The following CSMD1 variants were observed in gnomAD, a reference collection of about 807,000 sequenced individuals.
The protein encoded by CSMD1 is CUB and Sushi multiple domains 1, also known as CUB and sushi domain-containing protein 1.
Under a neutral mutation model 417.5 loss-of-function variants are expected in CSMD1, and 213 were observed. The observed-to-expected ratio is 0.51, with a 90% CI of 0.46 to 0.57. CSMD1 has a LOEUF of 0.57. Among genes scored for constraint, CSMD1 ranks in the 20% least tolerant of loss-of-function variants. The probability of loss-of-function intolerance (pLI) is 0.00; values close to 1 mark genes in which losing one functional copy is unlikely to be tolerated. For synonymous variants in CSMD1, 2,862 were observed against 1,736.8 expected (o/e 1.65, Z -16.11); for missense variants, 6,923 against 4,529.7 (o/e 1.53, Z -15.17).
chr8:3,566,062 T>A (rs1290085977), intron 10 of CSMD1, among the ~76,000 whole-genome samples: 1 of 152,108 alleles, frequency 6.6e-6, no homozygotes, highest in Non-Finnish European at 1.5e-5. Flanking sequence ...CCTGTTTATA[T>A]CTTTCTGACC....
intron 3 of CSMD1, among the ~76,000 whole-genome samples, chr8:4,080,909 G>T (rs975635786): frequency 6.6e-6 from 1 of 152,124 alleles, no homozygotes; most frequent in African/African-American, 2.4e-5. Context: ...AGTATTAAGA[G>T]GCAGGGCCTT....
At chr8:3,136,846 G>C (rs368160424) in intron 41 of CSMD1, among the ~76,000 whole-genome samples, 69 of 152,088 alleles carry the variant, frequency 4.5e-4, no homozygotes, top group Non-Finnish European at 8.8e-4. Context: ...ACCAAGACTG[G>C]ACACATGGTA....
chr8:3,904,363 C>T (rs1230086687), intron 5 of CSMD1, among the ~76,000 whole-genome samples: 1 of 152,162 alleles, frequency 6.6e-6, no homozygotes, highest in Non-Finnish European at 1.5e-5. Context: ...CAGATTCACA[C>T]TAACTCTTTA....
intron 10 of CSMD1, among the ~76,000 whole-genome samples, chr8:3,530,107 G>A (rs1383907388): frequency 6.6e-6 from 1 of 151,986 alleles, no homozygotes; most frequent in African/African-American, 2.4e-5. Flanking sequence ...CAATTTTATT[G>A]ATCTTTTCAA....
intron 5 of CSMD1, among the ~76,000 whole-genome samples, chr8:3,964,829 C>T (rs904359412): frequency 3.3e-5 from 5 of 152,126 alleles, no homozygotes; most frequent in African/African-American, 4.8e-5. Flanking sequence ...AAATAATACA[C>T]GGTTATTCAC....
At chr8:3,518,100 C>T (rs537696964) in intron 10 of CSMD1, among the ~76,000 whole-genome samples, 4 of 151,688 alleles carry the variant, frequency 2.6e-5, no homozygotes, top group Admixed American at 6.6e-5. Context: ...AACAATATGA[C>T]TATAGATTAT....
intron 11 of CSMD1, among the ~76,000 whole-genome samples, chr8:3,487,476 C>T (rs527944658): frequency 1.3e-5 from 2 of 152,312 alleles, no homozygotes; most frequent in South Asian, 4.1e-4. Context: ...GTTGGGATTA[C>T]AGGCATGAGC....
chr8:3,083,072 T>G (rs955107324), intron 49 of CSMD1, among the ~76,000 whole-genome samples: 1 of 152,202 alleles, frequency 6.6e-6, no homozygotes, highest in Admixed American at 6.5e-5. Context: ...CCTAGTCTTC[T>G]GTTTCATATT....
chr8:4,752,867 G>C (rs966020835), intron 1 of CSMD1, among the ~76,000 whole-genome samples: 2 of 152,202 alleles, frequency 1.3e-5, no homozygotes, highest in South Asian at 2.1e-4. Context: ...AGGCAGATCA[G>C]CATGTCTTTT....
At chr8:4,222,703 G>T (rs575493170) in intron 3 of CSMD1, among the ~76,000 whole-genome samples, 1 of 152,194 alleles carries the variant, frequency 6.6e-6, no homozygotes, top group South Asian at 2.1e-4. Context: ...CCTCTATCTG[G>T]TTCGCTTCTG....
At chr8:3,752,503 A>T (rs1408407708) in intron 6 of CSMD1, among the ~76,000 whole-genome samples, 1 of 151,636 alleles carries the variant, frequency 6.6e-6, no homozygotes, top group South Asian at 2.1e-4. Context: ...AAAAATACAA[A>T]ATTAGCCGGG....
In CSMD1 at chr8:3,470,158, C is replaced by G. The variant is rs1001609373; in HGVS notation, c.1449-1334G>C. On this transcript the variant is annotated intron_variant, in intron 11 of 69. Transcript: ENST00000635120. ...CTCTCCTCCCATCTTGCCAAACTATCAGTTTTACATCTTCTTTAAAGTTTT... is the reference window on the plus strand; with the variant it reads ...CTCTCCTCCCATCTTGCCAAACTATGAGTTTTACATCTTCTTTAAAGTTTT... 2.6e-5 allele frequency among the ~76,000 whole-genome samples: 4 copies of G among 152,148 alleles called. No individual in the cohort carries two copies. In the East Asian group the frequency reaches 7.7e-4, roughly 29 times the overall value.
At position 4,992,967 on chromosome 8, in the gene CSMD1, G is replaced by A. The variant is rs1042368441; in HGVS notation, c.85+1365C>T. Among the ~76,000 whole-genome samples the A allele has an allele frequency of 2.0e-5, 3 of 152,326 alleles. No homozygotes were observed. The East Asian group carries it at 5.8e-4, about 30-fold the overall frequency. On this transcript the variant is annotated intron_variant, in intron 1 of 69. Transcript: ENST00000635120. Reference sequence around the variant, plus strand: ...GTGCTGAGCGGTCAGCTTTCACGGAGCCCTGGACGCCCCGTGGAGGCAAGT... The same window carrying A: ...GTGCTGAGCGGTCAGCTTTCACGGAACCCTGGACGCCCCGTGGAGGCAAGT...
At chr8:4,181,938 T>A (rs1411285686) in intron 3 of CSMD1, among the ~76,000 whole-genome samples, 1 of 120,646 alleles carries the variant, frequency 8.3e-6, no homozygotes, top group East Asian at 2.5e-4. Flanking sequence ...TGCTAGGTGA[T>A]TCTGTTTGTC....
chr8:4,043,206 T>C (rs981037004), intron 3 of CSMD1, among the ~76,000 whole-genome samples: 4 of 152,000 alleles, frequency 2.6e-5, no homozygotes, highest in Admixed American at 1.3e-4. Flanking sequence ...CTATAAAGTC[T>C]AAAGTCACCA....
chr8:4,341,595 T>C (rs185172671), intron 3 of CSMD1, among the ~76,000 whole-genome samples: 44 of 152,220 alleles, frequency 2.9e-4, no homozygotes, highest in Non-Finnish European at 6.3e-4. Context: ...TGTGGTTCCC[T>C]GTTTGTCCAG....
intron 1 of CSMD1, among the ~76,000 whole-genome samples, chr8:4,793,522 G>A (rs1245722078): frequency 6.6e-6 from 1 of 151,820 alleles, no homozygotes; most frequent in Non-Finnish European, 1.5e-5. Flanking sequence ...CTACACCAGG[G>A]CACAGTCATA....
chr8:4,077,626 G>C (rs1799903680), intron 3 of CSMD1, among the ~76,000 whole-genome samples: 3 of 152,140 alleles, frequency 2.0e-5, no homozygotes, highest in South Asian at 4.1e-4. Context: ...TTCAAGGTCA[G>C]TAGATCCACC....
chr8:4,741,176 T>C (rs572270093), intron 1 of CSMD1, among the ~76,000 whole-genome samples: 1 of 151,944 alleles, frequency 6.6e-6, no homozygotes, highest in Non-Finnish European at 1.5e-5. Context: ...GACACTTATG[T>C]AAGTGTCAGA....
Sources: gnomAD v4.1 joint callset for allele counts (sites outside exome capture counted in the v4.1 genomes callset) on GRCh38, gnomAD v4.1.1 for gene constraint, MANE v1.5 for transcripts, NCBI Gene and HGNC (gene_info 2026-07-23, HGNC 2026-07-21) for gene names.